Variants in TBC1D22A observed in about 807,000 individuals in gnomAD.
The protein encoded by TBC1D22A is putative GTPase activator.
In TBC1D22A, 38 loss-of-function variants were observed where a neutral mutation model predicts 60.2. The observed-to-expected ratio is 0.63, with a 90% confidence interval of 0.49 to 0.83. The LOEUF (loss-of-function observed/expected upper bound fraction) is 0.83, where lower values mean the gene tolerates loss of function less well. TBC1D22A is among the 40% of genes least tolerant of loss of function. The pLI is 0.00. For synonymous variants in TBC1D22A, 302 were observed against 281.7 expected (o/e 1.07, Z -0.72); for missense variants, 628 against 701.0 (o/e 0.90, Z 1.18).
At chr22:46,977,095 C>T (rs1169236144) in intron 9 of TBC1D22A, among the ~76,000 whole-genome samples, 1 of 152,198 alleles carries the variant, frequency 6.6e-6, no homozygotes, top group Non-Finnish European at 1.5e-5. Context: ...AGATGAAGCC[C>T]ATTGCCCAGG....
intron 8 of TBC1D22A, among the ~76,000 whole-genome samples, chr22:46,963,504 C>T (rs931997464): frequency 6.6e-6 from 1 of 150,924 alleles, no homozygotes; most frequent in South Asian, 2.1e-4. Flanking sequence ...CTGTGCCTTC[C>T]CCAGCTCCCA....
At chr22:47,066,534 A>T (rs2063779205) in intron 11 of TBC1D22A, among the ~76,000 whole-genome samples, 2 of 152,160 alleles carry the variant, frequency 1.3e-5, no homozygotes, top group South Asian at 4.1e-4. Context: ...TTGGTGAGGG[A>T]CCAAGCGTGT....
intron 11 of TBC1D22A, among the ~76,000 whole-genome samples, chr22:47,071,063 G>A (rs2063968059): frequency 1.3e-5 from 2 of 152,244 alleles, no homozygotes; most frequent in Admixed American, 6.5e-5. Flanking sequence ...TGAACTTAAA[G>A]TGATAGGCCT....
intron 8 of TBC1D22A, among the ~76,000 whole-genome samples, chr22:46,950,919 T>C (rs2072865555): frequency 6.6e-6 from 1 of 152,224 alleles, no homozygotes; most frequent in Admixed American, 6.5e-5. Context: ...AAGTTCCTTA[T>C]AAATAATCTC....
intron 8 of TBC1D22A, among the ~76,000 whole-genome samples, chr22:46,959,614 C>T (rs2073389237): frequency 1.3e-5 from 2 of 152,182 alleles, no homozygotes; most frequent in Admixed American, 1.3e-4. Flanking sequence ...GGTGGCCTCT[C>T]TGTCCCCTCC....
At chr22:46,868,600 G>A (rs966864242) in intron 4 of TBC1D22A, among the ~76,000 whole-genome samples, 2 of 152,124 alleles carry the variant, frequency 1.3e-5, no homozygotes, top group Admixed American at 6.6e-5. Flanking sequence ...CCTGCCTTCC[G>A]TCTCTGAGGT....
intron 8 of TBC1D22A, among the ~76,000 whole-genome samples, chr22:46,917,667 C>G (rs1032888658): frequency 2.0e-5 from 3 of 152,128 alleles, no homozygotes; most frequent in African/African-American, 7.2e-5. Flanking sequence ...GGCAGGAGAT[C>G]TGCAGTGGAG....
chr22:46,982,054 C>T (rs2074534762), intron 9 of TBC1D22A, among the ~76,000 whole-genome samples: 1 of 152,078 alleles, frequency 6.6e-6, no homozygotes, highest in Non-Finnish European at 1.5e-5. Context: ...GGTGTGGGAT[C>T]ACTCAGAGTG....
chr22:46,904,670 G>A (rs1365182374), intron 7 of TBC1D22A, among the ~76,000 whole-genome samples: 1 of 151,358 alleles, frequency 6.6e-6, no homozygotes, highest in African/African-American at 2.4e-5. Flanking sequence ...GTTTCTCCAT[G>A]TTGGTCAGGC....
rs1243419162 is a variant in TBC1D22A at position 46,995,959 on chromosome 22, G to A, written c.1126-1675G>A. On this transcript the variant is annotated intron_variant, in intron 9 of 12. Coordinates refer to ENST00000337137, the MANE Select transcript of TBC1D22A (RefSeq NM_014346.5). ...AGTATCAAGCCCAGATCAGTCTTTC[G>A]ACTTCCCTCCTGGGCTCTGAATGCC... 2.0e-5 allele frequency among the ~76,000 whole-genome samples: 3 copies of A among 152,170 alleles called. No homozygotes were observed. The South Asian group carries it at 6.2e-4, about 32-fold the overall frequency.
chr22:47,126,601 G>A lies in TBC1D22A; in HGVS notation c.1425+14998G>A, dbSNP rs143315240. On this transcript the variant is annotated intron_variant, in intron 12 of 12. Coordinates refer to ENST00000337137, the MANE Select transcript of TBC1D22A (RefSeq NM_014346.5). ...AGTGAGCTCAGGCCTTCCAATGAGGGCGGAGGGAGTGACCCCTGGCGCTGT... is the reference window on the plus strand; with the variant it reads ...AGTGAGCTCAGGCCTTCCAATGAGGACGGAGGGAGTGACCCCTGGCGCTGT... Among the ~76,000 whole-genome samples the A allele has an allele frequency of 2.0e-3, 301 of 152,368 alleles. 2 individuals carry two copies. The highest frequency in any genetic ancestry group is 3.4e-3 in the Middle Eastern group (1 of 294).
intron 11 of TBC1D22A, among the ~76,000 whole-genome samples, chr22:47,054,118 T>G (rs766744504): frequency 6.6e-6 from 1 of 152,144 alleles, no homozygotes; most frequent in South Asian, 2.1e-4. Context: ...GCTCTGGGCA[T>G]GCATCCCTGA....
intron 11 of TBC1D22A, among the ~76,000 whole-genome samples, chr22:47,104,809 G>C (rs60263775): frequency 0.027 from 4,172 of 152,048 alleles, 184 homozygotes; most frequent in African/African-American, 0.096. Flanking sequence ...TCTTAACCTG[G>C]ACATTTCCTT....
chr22:47,021,692 C>G (rs181139265), intron 10 of TBC1D22A, among the ~76,000 whole-genome samples: 51 of 152,328 alleles, frequency 3.3e-4, no homozygotes, highest in African/African-American at 1.1e-3. Context: ...AGACTGTGAC[C>G]CATACAGACT....
chr22:47,015,512 G>C (rs1481715816), intron 10 of TBC1D22A, among the ~76,000 whole-genome samples: 1 of 152,238 alleles, frequency 6.6e-6, no homozygotes, highest in Admixed American at 6.5e-5. Flanking sequence ...TTTTCTACTT[G>C]ATCTTGCTCT....
rs531585031 is a variant in TBC1D22A at position 47,140,415 on chromosome 22, C to T, written c.1425+28812C>T. 3.5e-4 allele frequency among the ~76,000 whole-genome samples: 53 copies of T among 151,982 alleles called. No individual in the cohort carries two copies. In the South Asian group the frequency reaches 6.9e-3, roughly 20 times the overall value. The stretch of plus-strand genomic sequence containing the variant: ...TCTACTAAAAATACAAAAAATTAGC[C>T]GGGTGTGGTGGCGGGCACCTGTAGT... On this transcript the variant is annotated intron_variant, in intron 12 of 12. Transcript: ENST00000337137.
At chr22:47,020,829 C>T (rs2062060701) in intron 10 of TBC1D22A, among the ~76,000 whole-genome samples, 1 of 151,952 alleles carries the variant, frequency 6.6e-6, no homozygotes, top group Non-Finnish European at 1.5e-5. Flanking sequence ...TGTAGGATAT[C>T]AATCCTGTAA....
chr22:46,941,719 C>T (rs111066977), intron 8 of TBC1D22A, among the ~76,000 whole-genome samples: 4,612 of 79,212 alleles, frequency 0.058, 778 homozygotes, highest in African/African-American at 0.16. Flanking sequence ...AATATATATA[C>T]GCGGAATGTA....
intron 12 of TBC1D22A, among the ~76,000 whole-genome samples, chr22:47,133,615 C>G (rs1232651404): frequency 6.6e-6 from 1 of 152,228 alleles, no homozygotes; most frequent in African/African-American, 2.4e-5. Context: ...TGTCGTCTGT[C>G]CCCTGTGGGA....
Sources: gnomAD v4.1 joint callset for allele counts (sites outside exome capture counted in the v4.1 genomes callset) on GRCh38, gnomAD v4.1.1 for gene constraint, MANE v1.5 for transcripts, NCBI Gene and HGNC (gene_info 2026-07-23, HGNC 2026-07-21) for gene names.